ZNF543: variants seen among roughly 807,000 people sequenced by gnomAD.
ZNF543 encodes the protein zinc finger protein 543.
In ZNF543, 10 loss-of-function variants were observed where a neutral mutation model predicts 13.4. That is an observed-to-expected ratio of 0.75 (90% CI 0.46 to 1.26). The LOEUF (loss-of-function observed/expected upper bound fraction) is 1.26, where lower values mean the gene tolerates loss of function less well. Ranked by LOEUF, ZNF543 falls within the 50% of genes most tolerant of loss-of-function variation. ZNF543 has a pLI of 0.00. For missense variants in ZNF543, 768 were observed against 741.2 expected (o/e 1.04, Z -0.42); for synonymous variants, 272 against 264.7 (o/e 1.03, Z -0.27).
intron 2 of ZNF543, 74 bp downstream of exon 2, chr19:57,323,882 C>T (rs1600051736): frequency 1.3e-6 from 2 of 1,555,610 alleles, no homozygotes; most frequent in Non-Finnish European, 1.7e-6. Context: ...TCCTCCACAG[C>T]CCACTTGTTC....
chr19:57,324,812 T>TA (rs11325378), intron 2 of ZNF543, among the ~76,000 whole-genome samples: 5 of 151,712 alleles, frequency 3.3e-5, no homozygotes, highest in African/African-American at 1.2e-4. Context: ...GCTTAGAATG[T>TA]AAAAAAAAAG....
chr19:57,328,138 C>G lies in ZNF543; in HGVS notation c.676C>G (p.Pro226Ala), dbSNP rs77370625. The G allele has an allele frequency of 2.4e-3, 3,933 of 1,614,222 alleles. 101 individuals are homozygous for G. The East Asian group carries it at 0.06, about 25-fold the overall frequency. ...QHERIHTQVK[P>A]YECTECGKTF... is the part of the protein sequence containing the mutation. Reference sequence around the variant, plus strand: ...TGAACGGATTCACACTCAAGTGAAGCCCTATGAATGCACAGAGTGTGGGAA... The same window carrying G: ...TGAACGGATTCACACTCAAGTGAAGGCCTATGAATGCACAGAGTGTGGGAA... Residue 226 changes from proline to alanine, a missense_variant, in exon 4 of 4, where the codon CCC (proline) becomes GCC (alanine). Physicochemically the swap from Pro to Ala is conservative, Grantham distance 27 (BLOSUM62 -1). Coordinates refer to ENST00000321545, the MANE Select transcript of ZNF543 (RefSeq NM_213598.4).
At chr19:57,326,858 T>G (rs1600053717) in intron 3 of ZNF543, 130 bp downstream of exon 3, 8 of 513,960 alleles carry the variant, frequency 1.6e-5, no homozygotes, top group East Asian at 3.5e-5. Context: ...ATGGAGCCTC[T>G]CCCCGCCCGC....
rs1440120917 is a variant in ZNF543 at position 57,328,950 on chromosome 19, G to A, written c.1488G>A (p.Arg496=). 24 of 1,614,052 alleles carry A rather than the reference G, an allele frequency of 1.5e-5. No individual in the cohort carries two copies. Among genetic ancestry groups the A allele is most frequent in the Non-Finnish European group, 2.0e-5 (24 of 1,180,002 alleles). The change falls in exon 4 of 4, where the codon AGG becomes AGA. Residue 496 remains arginine (R), a synonymous_variant. Transcript: ENST00000321545. Reference sequence around the variant, plus strand: ...TCAACCGCAGCTCACACCTCACGAGGCACCAACAGATTCACACTGGAGAGA... The same window carrying A: ...TCAACCGCAGCTCACACCTCACGAGACACCAACAGATTCACACTGGAGAGA... The part of the protein sequence containing the change: ...KAFNRSSHLT[R]HQQIHTGEKP...
rs2088157660 is a variant in ZNF543 at position 57,330,668 on chromosome 19, T to G, written c.*1403T>G. On this transcript the variant is annotated 3_prime_UTR_variant, in exon 4 of 4. Coordinates refer to ENST00000321545, the MANE Select transcript of ZNF543 (RefSeq NM_213598.4). The stretch of plus-strand genomic sequence containing the variant: ...CTACACATTTAGAGCGTTTTGTAAT[T>G]CCTTTTTTATATTTTTAAGACTAGA... The G allele has an allele frequency of 6.6e-6, 1 of 152,178 alleles. No homozygotes were observed. Among genetic ancestry groups the G allele is most frequent in the African/African-American group, 2.4e-5 (1 of 41,448 alleles). The allele number at this position is 152,178 out of a possible 1,614,324, so 9.4% of individuals were successfully genotyped here.
chr19:57,321,791 G>A (rs2088091400), intron 1 of ZNF543, among the ~76,000 whole-genome samples: 2 of 152,144 alleles, frequency 1.3e-5, no homozygotes, highest in Admixed American at 1.3e-4. Flanking sequence ...AGGCCTGGGG[G>A]TGACACCTAA....
At position 57,329,060 on chromosome 19, in the gene ZNF543, A is replaced by C; in HGVS notation, c.1598A>C (p.Lys533Thr). ...IRHSIIHTGE[K>T]PYECSECGKA... ...CACTCCATCATTCACACTGGAGAGA[A>C]GCCGTATGAATGCAGTGAGTGTGGA... The change falls in exon 4 of 4, where the codon AAG (lysine) becomes ACG (threonine). Residue 533 changes from lysine (K) to threonine (T), a missense_variant. Lys to Thr is a moderately conservative substitution (Grantham distance 78, BLOSUM62 -1). Around this residue, in one of 3 missense-constraint regions of ZNF543, gnomAD observed 677 missense variants for 631.4 expected, o/e 1.07. Transcript: ENST00000321545. 1 of 1,614,214 alleles carries C rather than the reference A, an allele frequency of 6.2e-7. No individual in the cohort carries two copies. Among genetic ancestry groups the C allele is most frequent in the Non-Finnish European group, 8.5e-7 (1 of 1,180,038 alleles).
At position 57,330,500 on chromosome 19, in the gene ZNF543, A is replaced by G. The variant is rs1256775562; in HGVS notation, c.*1235A>G. The stretch of plus-strand genomic sequence containing the variant: ...ATGATAAACTCAGAAGAACAAACAT[A>G]GAAGGAATGTCATTTTTAATCTTTT... On this transcript the variant is annotated 3_prime_UTR_variant, in exon 4 of 4. Coordinates refer to ENST00000321545, the MANE Select transcript of ZNF543 (RefSeq NM_213598.4). 2.0e-5 allele frequency: 3 copies of G among 152,138 alleles called. No homozygotes were observed. The highest frequency in any genetic ancestry group is 7.2e-5 in the African/African-American group (3 of 41,452). 9.4% of individuals were successfully genotyped at this position (152,138 alleles called of 1,614,324 possible). A position where few individuals can be genotyped will look rare whatever the true frequency, so the allele number is the denominator to read the frequency against.
At position 57,329,021 on chromosome 19, in the gene ZNF543, C is replaced by CAAACCTTATTCG. The variant is rs1251615151; in HGVS notation, c.1561_1572dup (p.Asn521_Arg524dup). On this transcript the variant is annotated inframe_insertion, in exon 4 of 4. Transcript: ENST00000321545. ...TGTGGGAAAGCCTTTTGCCGGAGCGCAAACCTTATTCGACACTCCATCATT... is the reference window on the plus strand; with the variant it reads ...TGTGGGAAAGCCTTTTGCCGGAGCGCAAACCTTATTCGAAACCTTATTCGACACTCCATCATT... 1 of 1,614,158 alleles carries CAAACCTTATTCG rather than the reference C, an allele frequency of 6.2e-7. No homozygotes were observed. Among genetic ancestry groups the CAAACCTTATTCG allele is most frequent in the East Asian group, 2.2e-5 (1 of 44,884 alleles).
At chr19:57,326,222 G>A (rs1006224901) in intron 2 of ZNF543, among the ~76,000 whole-genome samples, 4 of 152,126 alleles carry the variant, frequency 2.6e-5, no homozygotes, top group Admixed American at 6.5e-5. Flanking sequence ...CGCTCTTGTC[G>A]CCCAGGCTGG....
At position 57,324,144 on chromosome 19, in the gene ZNF543, G is replaced by C. The variant is rs540854900; in HGVS notation, c.145+336G>C. Among the ~76,000 whole-genome samples, 42 of 152,258 alleles carry C rather than the reference G, an allele frequency of 2.8e-4. 1 individual carries two copies. The highest frequency in any genetic ancestry group is 2.4e-3 in the Admixed American group (36 of 15,292). On this transcript the variant is annotated intron_variant, in intron 2 of 3. Transcript: ENST00000321545. ...ACGCGGACAAATCAGGAGGTCAGGAGTTTGAGACAAGCCTGGGCAACATGG... is the reference window on the plus strand; with the variant it reads ...ACGCGGACAAATCAGGAGGTCAGGACTTTGAGACAAGCCTGGGCAACATGG...
In ZNF543 at chr19:57,328,511, G is replaced by A. The variant is rs753036148; in HGVS notation, c.1049G>A (p.Arg350His). Reference protein sequence around the residue: ...ECIECGKAFNRRSYLTWHQQI... With the variant: ...ECIECGKAFNHRSYLTWHQQI... The stretch of plus-strand genomic sequence containing the variant: ...ATTGAGTGTGGGAAGGCCTTCAACC[G>A]CCGGTCATACCTCACGTGGCACCAA... Residue 350 changes from arginine (R) to histidine (H), a missense_variant, in exon 4 of 4, where the codon CGC becomes CAC. Arg to His is a conservative substitution (Grantham distance 29, BLOSUM62 0). This residue lies in a region of ZNF543 where 677 missense variants were observed against 631.4 expected (regional missense o/e 1.07). Transcript: ENST00000321545. 1.5e-5 allele frequency: 24 copies of A among 1,613,998 alleles called. No homozygotes were observed. The highest frequency in any genetic ancestry group is 1.7e-5 in the Admixed American group (1 of 59,990).
Position 57,328,102 on chromosome 19 carries a change from C to G in ZNF543, c.640C>G (p.Leu214Val). The G allele has an allele frequency of 6.2e-7, 1 of 1,614,244 alleles. No individual in the cohort carries two copies. Among genetic ancestry groups the G allele is most frequent in the Non-Finnish European group, 8.5e-7 (1 of 1,180,042 alleles). Residue 214 changes from leucine (L) to valine (V), a missense_variant, in exon 4 of 4, where the codon CTT becomes GTT. This residue lies in a region of ZNF543 where 677 missense variants were observed against 631.4 expected (regional missense o/e 1.07). Coordinates refer to ENST00000321545, the MANE Select transcript of ZNF543 (RefSeq NM_213598.4). ...GAAAGTGTTTAAAAAGAATGCCCTC[C>G]TTGTTCAGCATGAACGGATTCACAC... Reference protein sequence around the residue: ...CGKVFKKNALLVQHERIHTQV... With the variant: ...CGKVFKKNALVVQHERIHTQV...
rs1393078163 is a variant in ZNF543 at position 57,329,110 on chromosome 19, C to T, written c.1648C>T (p.Leu550Phe). The T allele has an allele frequency of 1.2e-6, 2 of 1,614,104 alleles. No homozygotes were observed. Among genetic ancestry groups the T allele is most frequent in the Admixed American group, 1.7e-5 (1 of 60,008 alleles). ...AAAGGCTTTTAATCGCGGCTCATCC[C>T]TCACACATCATCAAAGGATTCATAC... The part of the protein sequence containing the change: ...CGKAFNRGSS[L>F]THHQRIHTGR... The change falls in exon 4 of 4, where the codon CTC (leucine) becomes TTC (phenylalanine). Residue 550 changes from leucine (L) to phenylalanine (F), a missense_variant. Physicochemically the swap from Leu to Phe is conservative, Grantham distance 22. Around this residue, in one of 3 missense-constraint regions of ZNF543, gnomAD observed 677 missense variants for 631.4 expected, o/e 1.07. Transcript: ENST00000321545.
intron 2 of ZNF543, among the ~76,000 whole-genome samples, chr19:57,326,210 T>C (rs1190314767): frequency 1.3e-5 from 2 of 152,190 alleles, no homozygotes; most frequent in African/African-American, 2.4e-5. Context: ...GAGACGGAGC[T>C]TCGCTCTTGT....
rs2088082559 is a variant in ZNF543, at chr19:57,320,507, C to T, written c.-347C>T. 1 of 257,508 alleles carries T rather than the reference C, an allele frequency of 3.9e-6. No homozygotes were observed. Among genetic ancestry groups the T allele is most frequent in the East Asian group, 8.3e-5 (1 of 12,036 alleles). The allele number at this position is 257,508 out of a possible 1,614,324, so 16.0% of individuals were successfully genotyped here. On this transcript the variant is annotated 5_prime_UTR_variant, in exon 1 of 4. Transcript: ENST00000321545. ...GTCATCTCCGTGAGCAGGATTGGCC[C>T]TGGAACAGTGTGGGGCCTGGACCGC...
At position 57,330,090 on chromosome 19, in the gene ZNF543, C is replaced by G. The variant is rs1440466518; in HGVS notation, c.*825C>G. The G allele has an allele frequency of 6.6e-6, 1 of 152,118 alleles. No homozygotes were observed. The highest frequency in any genetic ancestry group is 1.5e-5 in the Non-Finnish European group (1 of 68,036). The allele number at this position is 152,118 out of a possible 1,614,324, so 9.4% of individuals were successfully genotyped here. ...TGCAACGTTCTCCACTCTCGAGGTG[C>G]AGAAGCATACATCTTTATAAAAAAT... On this transcript the variant is annotated 3_prime_UTR_variant, in exon 4 of 4. Coordinates refer to ENST00000321545, the MANE Select transcript of ZNF543 (RefSeq NM_213598.4).
chr19:57,320,899 G>A, intron 1 of ZNF543, 28 bp downstream of exon 1: 8 of 1,613,944 alleles, frequency 5.0e-6, no homozygotes, highest in Non-Finnish European at 5.9e-6. Flanking sequence ...TGGCCTTGCT[G>A]CTGCTCTGCT....
chr19:57,320,822 C>A lies in ZNF543; in HGVS notation c.-32C>A. ...TGGGGGTCGGCTGAGCCGCGGCATT[C>A]CCGGGCCCCGCTAGGGCTGCAGGGT... is the stretch of plus-strand genomic sequence containing the variant. On this transcript the variant is annotated 5_prime_UTR_variant, in exon 1 of 4. Transcript: ENST00000321545. 4 of 1,613,190 alleles carry A rather than the reference C, an allele frequency of 2.5e-6. No homozygotes were observed. Among genetic ancestry groups the A allele is most frequent in the Non-Finnish European group, 3.4e-6 (4 of 1,179,702 alleles).
Sources: allele counts gnomAD v4.1 joint callset (sites outside exome capture counted in the v4.1 genomes callset), GRCh38; gene constraint gnomAD v4.1.1; regional missense constraint gnomAD v4.1.1; transcripts MANE v1.5; gene names NCBI Gene and HGNC (gene_info 2026-07-23, HGNC 2026-07-21).